Variants in PPIL4 observed in about 807,000 individuals in gnomAD.
The protein encoded by PPIL4 is peptidyl-prolyl cis-trans isomerase-like 4.
In PPIL4, 50 loss-of-function variants were observed where a neutral mutation model predicts 69.1. That is an observed-to-expected ratio of 0.72 (90% confidence interval 0.58 to 0.92). The LOEUF (loss-of-function observed/expected upper bound fraction) is 0.92. Among genes scored for constraint, PPIL4 ranks in the 40% least tolerant of loss-of-function variants. The probability of loss-of-function intolerance (pLI) is 0.00; values close to 1 mark genes in which losing one functional copy is unlikely to be tolerated. For synonymous variants in PPIL4, 193 were observed against 191.6 expected (o/e 1.01, Z -0.06); for missense variants, 480 against 587.9 (o/e 0.82, Z 1.90).
intron 9 of PPIL4, among the ~76,000 whole-genome samples, chr6:149,522,330 T>A (rs1435154274): frequency 6.6e-6 from 1 of 152,142 alleles, no homozygotes; most frequent in Non-Finnish European, 1.5e-5. Context: ...CAAAAATAAA[T>A]ATTCAAAAGT....
In PPIL4 at chr6:149,539,101, C is replaced by T. The variant is rs564500924; in HGVS notation, c.321+1841G>A. ...ACCTCAGGTGATCCGCCCCCCTCAG[C>T]CTCCCAAAGTGGTGGGACTACAGGC... On this transcript the variant is annotated intron_variant, in intron 4 of 12. Coordinates refer to ENST00000253329, the MANE Select transcript of PPIL4 (RefSeq NM_139126.4). Among the ~76,000 whole-genome samples the T allele has an allele frequency of 1.3e-3, 196 of 152,296 alleles. 1 individual carries two copies. Among genetic ancestry groups the T allele is most frequent in the African/African-American group, 4.5e-3 (186 of 41,552 alleles).
rs139612866 is a variant in PPIL4, at chr6:149,545,985, G to A, written c.21C>T (p.Thr7=). The change falls in exon 1 of 13, where the codon ACC becomes ACT. Residue 7 remains threonine (T), a synonymous_variant. Coordinates refer to ENST00000253329, the MANE Select transcript of PPIL4 (RefSeq NM_139126.4). ...AGTCGATGACGACGTCGCCTAAAGT[G>A]GTCTCCAGTAGAACCGCCATGGCGC... The part of the protein sequence containing the change: MAVLLE[T]TLGDVVIDLY... 106 of 1,586,000 alleles carry A rather than the reference G, an allele frequency of 6.7e-5. No homozygotes were observed. In the African/African-American group the frequency reaches 1.1e-3, roughly 17 times the overall value.
At chr6:149,525,235 TTA>T in intron 8 of PPIL4, 26 bp from the exon 9 acceptor site, 1 of 1,248,934 alleles carries the variant, frequency 8.0e-7, no homozygotes, top group Non-Finnish European at 1.1e-6. Context: ...TAAAAGTGAC[TTA>T]AAAAAAAAAA....
chr6:149,525,132 TTA>T lies in PPIL4; in HGVS notation c.870+9_870+10del, dbSNP rs1312162843. ...AATAAATACCAAACTTATGTCTGTA[TTA>T]TGACATACCTTTTCAAATTCAATAA... On this transcript the variant is annotated intron_variant, in intron 9 of 12. Coordinates refer to ENST00000253329, the MANE Select transcript of PPIL4 (RefSeq NM_139126.4). 7 of 1,410,286 alleles carry T rather than the reference TTA, an allele frequency of 5.0e-6. No individual in the cohort carries two copies. In the African/African-American group the frequency reaches 1.0e-4, roughly 20 times the overall value. The allele number at this position is 1,410,286 out of a possible 1,614,324, so 87.4% of individuals were successfully genotyped here.
At chr6:149,519,000 T>A (rs80209587) in intron 10 of PPIL4, among the ~76,000 whole-genome samples, 2,010 of 152,336 alleles carry the variant, frequency 0.013, 38 homozygotes, top group African/African-American at 0.046. Context: ...TATATAATTA[T>A]CTCAAAATTA....
chr6:149,511,337 C>T (rs939541051), intron 12 of PPIL4, among the ~76,000 whole-genome samples: 7 of 152,108 alleles, frequency 4.6e-5, no homozygotes, highest in East Asian at 1.9e-4. Flanking sequence ...TGGGCTCAAG[C>T]GATCCTCTCA....
At chr6:149,537,598 T>C (rs1048901882) in intron 4 of PPIL4, among the ~76,000 whole-genome samples, 5 of 151,928 alleles carry the variant, frequency 3.3e-5, no homozygotes, top group African/African-American at 1.2e-4. Context: ...TCCCAGCTAC[T>C]TGGGAGGCTG....
intron 12 of PPIL4, among the ~76,000 whole-genome samples, chr6:149,509,527 G>A (rs1011619074): frequency 6.6e-6 from 1 of 152,180 alleles, no homozygotes. Flanking sequence ...AACATTCACA[G>A]GAATGTGATA....
chr6:149,517,361 T>G lies in PPIL4; in HGVS notation c.1072A>C (p.Lys358Gln), dbSNP rs1207247321. ...GATTCTTGGTAAGGATACTCCTGTT[T>G]GGGCTTTACTTTATCTTTCAGAACC... Reference protein sequence around the residue: ...NLVLKDKVKPKQDTKYDLILD... With the variant: ...NLVLKDKVKPQQDTKYDLILD... The change falls in exon 11 of 13, where the codon AAA (lysine) becomes CAA (glutamine). Residue 358 changes from lysine (K) to glutamine (Q), a missense_variant. Coordinates refer to ENST00000253329, the MANE Select transcript of PPIL4 (RefSeq NM_139126.4). The G allele has an allele frequency of 6.4e-7, 1 of 1,563,130 alleles. No homozygotes were observed. Among genetic ancestry groups the G allele is most frequent in the Admixed American group, 1.7e-5 (1 of 59,318 alleles).
In PPIL4 at chr6:149,542,758, T is replaced by G. The variant is rs191222560; in HGVS notation, c.71-1172A>C. Among the ~76,000 whole-genome samples the G allele has an allele frequency of 7.6e-4, 116 of 152,256 alleles. 1 individual carries two copies. Among genetic ancestry groups the G allele is most frequent in the African/African-American group, 2.6e-3 (110 of 41,550 alleles). On this transcript the variant is annotated intron_variant, in intron 1 of 12. Coordinates refer to ENST00000253329, the MANE Select transcript of PPIL4 (RefSeq NM_139126.4). ...AAGGCAAGCATTAAAAGAACTGGAC[T>G]AGCAGAGAGTGAAGGGTGAGCATTT...
chr6:149,540,190 T>C (rs1273751504), intron 4 of PPIL4, among the ~76,000 whole-genome samples: 1 of 152,016 alleles, frequency 6.6e-6, no homozygotes, highest in Non-Finnish European at 1.5e-5. Flanking sequence ...CTCAACTTCA[T>C]GTGTATATAG....
intron 4 of PPIL4, among the ~76,000 whole-genome samples, chr6:149,539,427 G>A (rs543598996): frequency 1.4e-4 from 22 of 152,166 alleles, no homozygotes; most frequent in Non-Finnish European, 3.1e-4. Flanking sequence ...ACCCAAGCTG[G>A]AGTGCAGTGG....
intron 7 of PPIL4, among the ~76,000 whole-genome samples, chr6:149,528,310 A>G (rs1299137825): frequency 6.6e-6 from 1 of 152,208 alleles, no homozygotes; most frequent in Non-Finnish European, 1.5e-5. Flanking sequence ...AAAATCCTCC[A>G]AAGCACCTAT....
chr6:149,524,717 T>C (rs1301527199), intron 9 of PPIL4, among the ~76,000 whole-genome samples: 2 of 152,096 alleles, frequency 1.3e-5, no homozygotes, highest in Non-Finnish European at 2.9e-5. Flanking sequence ...CTGGCCAATA[T>C]GGTGAAACCC....
At chr6:149,513,385 C>CAAAAAAAAAAAAAAA (rs1170985851) in intron 11 of PPIL4, among the ~76,000 whole-genome samples, 1 of 41,538 alleles carries the variant, frequency 2.4e-5, no homozygotes, top group African/African-American at 1.9e-4. Context: ...GACTCAGTCT[C>CAAAAAAAAAAAAAAA]AAAAAAAAAA....
At chr6:149,519,367 G>A (rs1265700346) in intron 10 of PPIL4, among the ~76,000 whole-genome samples, 2 of 152,036 alleles carry the variant, frequency 1.3e-5, no homozygotes, top group Non-Finnish European at 2.9e-5. Flanking sequence ...CTACATAAGA[G>A]CCACCTGGCA....
In PPIL4 at chr6:149,541,022, C is replaced by G; in HGVS notation, c.241G>C (p.Glu81Gln). The change falls in exon 4 of 13, where the codon GAA becomes CAA. Residue 81 changes from glutamate to glutamine, a missense_variant. Coordinates refer to ENST00000253329, the MANE Select transcript of PPIL4 (RefSeq NM_139126.4). ...TTGTGCTTAATTCTTGGGACTTTTT[C>G]TGCCTCAAAAAAGCTTGCTTGATCA... ...YGDQASFFEAEKVPRIKHKKK... is the reference protein window; with the variant it reads ...YGDQASFFEAQKVPRIKHKKK... 6.2e-7 allele frequency: 1 copy of G among 1,612,270 alleles called. No individual in the cohort carries two copies. The highest frequency in any genetic ancestry group is 8.5e-7 in the Non-Finnish European group (1 of 1,178,828).
At chr6:149,545,900 G>C (rs946091586) in intron 1 of PPIL4, 36 bp downstream of exon 1, 12 of 1,552,658 alleles carry the variant, frequency 7.7e-6, no homozygotes, top group African/African-American at 4.1e-5. Context: ...CAAGCTCGGG[G>C]GCCCCGGCGA....
At chr6:149,537,907 CA>C (rs1169451152) in intron 4 of PPIL4, among the ~76,000 whole-genome samples, 1 of 152,122 alleles carries the variant, frequency 6.6e-6, no homozygotes, top group Non-Finnish European at 1.5e-5. Context: ...TATTACTGCT[CA>C]TTGACAATAC....
Sources: gnomAD v4.1 joint callset for allele counts (sites outside exome capture counted in the v4.1 genomes callset) on GRCh38, gnomAD v4.1.1 for gene constraint, MANE v1.5 for transcripts, NCBI Gene and HGNC (gene_info 2026-07-23, HGNC 2026-07-21) for gene names.